AFF1: variants seen among roughly 807,000 people sequenced by gnomAD.
AFF1 encodes the protein AF4/FMR2 family member 1.
Under a neutral mutation model 121.7 loss-of-function variants are expected in AFF1, and 48 were observed. The ratio of observed to expected loss-of-function variants is 0.39; its 90% CI spans 0.31 to 0.50. AFF1 has a LOEUF of 0.50. Ranked by LOEUF, AFF1 falls within the 20% of genes least tolerant of loss-of-function variation. AFF1 has a pLI of 0.76. For missense variants in AFF1, 1,523 were observed against 1,511.7 expected (o/e 1.01, Z -0.12); for synonymous variants, 613 against 563.0 (o/e 1.09, Z -1.26).
intron 2 of AFF1, among the ~76,000 whole-genome samples, chr4:87,007,857 T>C (rs1726324714): frequency 6.6e-6 from 1 of 152,126 alleles, no homozygotes; most frequent in African/African-American, 2.4e-5. Context: ...AGAGGGTGGG[T>C]GAGAATTTGC....
chr4:86,982,847 C>CAAAAAAAAA, intron 2 of AFF1, among the ~76,000 whole-genome samples: 1 of 25,446 alleles, frequency 3.9e-5, no homozygotes. Flanking sequence ...GACTCTGTCT[C>CAAAAAAAAA]CAAAAAAAAA....
intron 12 of AFF1, among the ~76,000 whole-genome samples, chr4:87,117,951 C>G (rs1440571300): frequency 6.6e-6 from 1 of 152,182 alleles, no homozygotes. Context: ...TGGGCCTGCT[C>G]TCCATGGCAG....
chr4:87,082,687 C>T (rs1203256456), intron 4 of AFF1, among the ~76,000 whole-genome samples: 1 of 152,154 alleles, frequency 6.6e-6, no homozygotes, highest in African/African-American at 2.4e-5. Context: ...CCTCGGCCTC[C>T]CAAAGTGCTG....
intron 2 of AFF1, among the ~76,000 whole-genome samples, chr4:87,043,955 A>G (rs888764594): frequency 6.6e-6 from 1 of 152,040 alleles, no homozygotes; most frequent in African/African-American, 2.4e-5. Context: ...AGTAGCTGGC[A>G]CTACAGGCGC....
At chr4:87,064,800 A>G (rs1292055106) in intron 4 of AFF1, among the ~76,000 whole-genome samples, 1 of 151,548 alleles carries the variant, frequency 6.6e-6, no homozygotes, top group African/African-American at 2.4e-5. Flanking sequence ...TGAACCCAGG[A>G]AGCGGAGGTT....
chr4:87,088,361 G>T (rs1723944639), intron 5 of AFF1, among the ~76,000 whole-genome samples: 3 of 152,204 alleles, frequency 2.0e-5, no homozygotes. Context: ...TGTCTCTCCT[G>T]AGGCTGTGGT....
chr4:87,122,442 C>T (rs190161474), intron 12 of AFF1, among the ~76,000 whole-genome samples: 6 of 152,330 alleles, frequency 3.9e-5, no homozygotes, highest in African/African-American at 1.4e-4. Context: ...AGAGCCCTGT[C>T]GCAATGCCCC....
chr4:86,976,572 A>C (rs543984729), intron 2 of AFF1, among the ~76,000 whole-genome samples: 2 of 152,204 alleles, frequency 1.3e-5, no homozygotes, highest in African/African-American at 4.8e-5. Context: ...TATCAAGTAC[A>C]TATGGACAGA....
chr4:87,014,773 T>C (rs183230405), intron 2 of AFF1, among the ~76,000 whole-genome samples: 1 of 152,238 alleles, frequency 6.6e-6, no homozygotes, highest in Non-Finnish European at 1.5e-5. Flanking sequence ...GTTAAATTGC[T>C]TCTCCCCCAC....
intron 4 of AFF1, among the ~76,000 whole-genome samples, chr4:87,060,460 C>G (rs966400945): frequency 6.6e-6 from 1 of 152,082 alleles, no homozygotes; most frequent in Non-Finnish European, 1.5e-5. Flanking sequence ...GAAGGAATCA[C>G]TTTTTTGGGA....
rs1730796066 is a variant in AFF1, at chr4:87,047,234, AAGCAGCAAGGTTCATGGC to A, written c.708_725del (p.Lys236_Ser241del). 1.9e-6 allele frequency: 3 copies of A among 1,614,052 alleles called. No individual in the cohort carries two copies. In the African/African-American group the frequency reaches 4.0e-5, roughly 22 times the overall value. On this transcript the variant is annotated inframe_deletion, in exon 4 of 21. Coordinates refer to ENST00000395146, the MANE Select transcript of AFF1 (RefSeq NM_001166693.3). ...AGCAAACTCTTCCCCGGACGCAAGG[AAGCAGCAAGGTTCATGGC>A]AGCAGCAATAACAGTAAAGGCTATT...
chr4:87,134,706 G>A lies in AFF1; in HGVS notation c.3535+12G>A, dbSNP rs1729154180. ...GAGGAAGAATAAAGGTAAATAAATGGCTTTGTGGTGGTAATTACTGGGGTG... is the reference window on the plus strand; with the variant it reads ...GAGGAAGAATAAAGGTAAATAAATGACTTTGTGGTGGTAATTACTGGGGTG... On this transcript the variant is annotated intron_variant, in intron 20 of 20. Coordinates refer to ENST00000395146, the MANE Select transcript of AFF1 (RefSeq NM_001166693.3). 6.3e-7 allele frequency: 1 copy of A among 1,599,356 alleles called. No homozygotes were observed. Among genetic ancestry groups the A allele is most frequent in the East Asian group, 2.2e-5 (1 of 44,818 alleles).
intron 8 of AFF1, among the ~76,000 whole-genome samples, chr4:87,097,904 A>G (rs1725027674): frequency 6.6e-6 from 1 of 152,188 alleles, no homozygotes; most frequent in Non-Finnish European, 1.5e-5. Flanking sequence ...TCGCGGGTTG[A>G]TTTGATCTAT....
intron 15 of AFF1, 58 bp downstream of exon 15, chr4:87,127,175 C>CA (rs1553937336): frequency 2.5e-6 from 3 of 1,219,078 alleles, no homozygotes; most frequent in South Asian, 1.3e-5. Context: ...TTCCCCCCCC[C>CA]ACCAAGATAG....
At chr4:87,005,370 C>T (rs191726231) in intron 2 of AFF1, among the ~76,000 whole-genome samples, 1 of 152,338 alleles carries the variant, frequency 6.6e-6, no homozygotes, top group Non-Finnish European at 1.5e-5. Flanking sequence ...CTGATCTCAT[C>T]AGGAAAGTCT....
chr4:87,022,541 C>G (rs1728010801), intron 2 of AFF1, among the ~76,000 whole-genome samples: 2 of 94,204 alleles, frequency 2.1e-5, no homozygotes, highest in South Asian at 3.1e-4. Flanking sequence ...CCCGTGCTTA[C>G]AGATATATAT....
chr4:87,037,379 T>G (rs1729672618), intron 2 of AFF1, among the ~76,000 whole-genome samples: 1 of 152,172 alleles, frequency 6.6e-6, no homozygotes, highest in Non-Finnish European at 1.5e-5. Context: ...TGGCGCGTTC[T>G]CAGCTCACTG....
At chr4:86,986,225 C>T (rs1724265498) in intron 2 of AFF1, among the ~76,000 whole-genome samples, 2 of 151,984 alleles carry the variant, frequency 1.3e-5, no homozygotes, top group East Asian at 3.9e-4. Context: ...GTGCCTGCCA[C>T]CACGCCCAGC....
chr4:86,994,681 G>A (rs1010882793), intron 2 of AFF1, among the ~76,000 whole-genome samples: 16 of 152,222 alleles, frequency 1.1e-4, no homozygotes, highest in African/African-American at 3.9e-4. Flanking sequence ...GTTAGGTAGA[G>A]TGAAGGATAA....
Sources: gnomAD v4.1 joint callset for allele counts (sites outside exome capture counted in the v4.1 genomes callset) on GRCh38, gnomAD v4.1.1 for gene constraint, MANE v1.5 for transcripts, NCBI Gene and HGNC (gene_info 2026-07-23, HGNC 2026-07-21) for gene names.